Variants in PSMA1 observed in about 807,000 individuals in gnomAD.
The protein encoded by PSMA1 is proteasome 20S subunit alpha 1.
Under a neutral mutation model 38.4 loss-of-function variants are expected in PSMA1, and 3 were observed. The ratio of observed to expected loss-of-function variants is 0.08; its 90% CI spans 0.04 to 0.20. The LOEUF (loss-of-function observed/expected upper bound fraction) is 0.20, where lower values mean the gene tolerates loss of function less well. PSMA1 is among the 10% of genes least tolerant of loss of function. The pLI is 1.00. For synonymous variants in PSMA1, 101 were observed against 107.1 expected (o/e 0.94, Z 0.35); for missense variants, 227 against 325.3 (o/e 0.70, Z 2.32).
intron 2 of PSMA1, among the ~76,000 whole-genome samples, chr11:14,592,186 C>A (rs557902574): frequency 5.1e-4 from 78 of 152,218 alleles, no homozygotes; most frequent in African/African-American, 1.9e-3. Flanking sequence ...GACGCGCCAC[C>A]TTAACAGCTG....
intron 4 of PSMA1, among the ~76,000 whole-genome samples, chr11:14,515,538 C>T (rs1851410403): frequency 6.6e-6 from 1 of 151,536 alleles, no homozygotes; most frequent in Non-Finnish European, 1.5e-5. Flanking sequence ...AAGGGACTGG[C>T]TGAGTAAATT....
In PSMA1 at chr11:14,520,360, G is replaced by GA; in HGVS notation, c.-62dup. On this transcript the variant is annotated 5_prime_UTR_variant, in exon 1 of 10. Coordinates refer to ENST00000396394, the MANE Select transcript of PSMA1 (RefSeq NM_002786.4). ...AACTGAGAATCAAGGAGGTGCTGCC[G>GA]AAAGTATCGCTCAGCGATCTACAGA... The GA allele has an allele frequency of 1.2e-6, 2 of 1,614,164 alleles. No homozygotes were observed. The highest frequency in any genetic ancestry group is 4.5e-5 in the East Asian group (2 of 44,878).
chr11:14,634,690 G>A (rs1327782418), intron 1 of PSMA1, among the ~76,000 whole-genome samples: 4 of 152,154 alleles, frequency 2.6e-5, no homozygotes, highest in African/African-American at 9.7e-5. Context: ...AGTAGCTCAT[G>A]TTTTAGGGGC....
At chr11:14,601,569 G>A (rs1166109963) in intron 2 of PSMA1, among the ~76,000 whole-genome samples, 1 of 152,160 alleles carries the variant, frequency 6.6e-6, no homozygotes, top group African/African-American at 2.4e-5. Flanking sequence ...GGTGAATGGA[G>A]GCTTAATGTA....
chr11:14,631,420 T>C (rs1853008864), intron 1 of PSMA1, among the ~76,000 whole-genome samples: 1 of 152,144 alleles, frequency 6.6e-6, no homozygotes, highest in Admixed American at 6.5e-5. Context: ...CATTTTGTTA[T>C]ATACCCAGTA....
chr11:14,536,680 C>T (rs1246904533), intron 2 of PSMA1, among the ~76,000 whole-genome samples: 3 of 152,056 alleles, frequency 2.0e-5, no homozygotes, highest in Non-Finnish European at 4.4e-5. Flanking sequence ...GGCACGATCT[C>T]GGCTTATCGC....
At chr11:14,578,034 TG>T (rs1852239386) in intron 2 of PSMA1, among the ~76,000 whole-genome samples, 1 of 129,130 alleles carries the variant, frequency 7.7e-6, no homozygotes, top group Non-Finnish European at 1.6e-5. Flanking sequence ...TGAGAACACA[TG>T]GGCACAGGGA....
intron 2 of PSMA1, among the ~76,000 whole-genome samples, chr11:14,597,442 G>A (rs1227228628): frequency 6.6e-6 from 1 of 152,152 alleles, no homozygotes; most frequent in Non-Finnish European, 1.5e-5. Flanking sequence ...GGTCTATTCA[G>A]AGATTCAACT....
rs775429176 is a variant in PSMA1 at position 14,505,708 on chromosome 11, G to A, written c.736-460C>T. 1.3e-3 allele frequency among the ~76,000 whole-genome samples: 196 copies of A among 152,038 alleles called. 1 individual carries two copies. Among genetic ancestry groups the A allele is most frequent in the East Asian group, 5.8e-4 (3 of 5,176 alleles). On this transcript the variant is annotated intron_variant, in intron 9 of 9. Transcript: ENST00000396394. ...ATGCCGAATGCATAAAATATATGTA[G>A]AAAATAGTCTATTTGGTCGGGTGCA...
intron 2 of PSMA1, among the ~76,000 whole-genome samples, chr11:14,560,474 T>C (rs1006678159): frequency 6.6e-6 from 1 of 152,194 alleles, no homozygotes; most frequent in Non-Finnish European, 1.5e-5. Context: ...TATGTCCTTC[T>C]TGGGCCATGG....
intron 2 of PSMA1, among the ~76,000 whole-genome samples, chr11:14,548,624 A>G (rs1851853282): frequency 6.6e-6 from 1 of 152,228 alleles, no homozygotes; most frequent in African/African-American, 2.4e-5. Context: ...GAAATGAGCA[A>G]AGGCAATAGA....
intron 5 of PSMA1, chr11:14,514,135 G>T: frequency 1.5e-6 from 2 of 1,324,654 alleles, no homozygotes; most frequent in Non-Finnish European, 9.6e-7. Flanking sequence ...GATACAAGGG[G>T]TCTAGGATTT....
At chr11:14,597,149 G>A (rs1409196911) in intron 2 of PSMA1, among the ~76,000 whole-genome samples, 1 of 152,190 alleles carries the variant, frequency 6.6e-6, no homozygotes, top group African/African-American at 2.4e-5. Flanking sequence ...CGGTTTGCCA[G>A]TATTTTATTG....
At chr11:14,616,809 CTAT>C (rs1374726512) in intron 1 of PSMA1, among the ~76,000 whole-genome samples, 1 of 152,064 alleles carries the variant, frequency 6.6e-6, no homozygotes, top group Non-Finnish European at 1.5e-5. Flanking sequence ...AGTCTCATGG[CTAT>C]TATTAAGTAG....
chr11:14,520,177 G>A, intron 1 of PSMA1, 120 bp downstream of exon 1: 1 of 1,479,352 alleles, frequency 6.8e-7, no homozygotes, highest in Non-Finnish European at 9.4e-7. Context: ...CCGGCCGTCT[G>A]CCGAGGCTCT....
rs565825327 is a variant in PSMA1 at position 14,619,619 on chromosome 11, TTATATCA to T, written c.-165-8475_-165-8469del. On this transcript the variant is annotated intron_variant, in intron 1 of 10. Coordinates refer to the PSMA1 transcript ENST00000418988. The stretch of plus-strand genomic sequence containing the variant: ...TAATTTAAATTCATTTAAGTGTTTT[TTATATCA>T]TATAATAGATTGCTTTCCTTGAGTG... 4.3e-3 allele frequency among the ~76,000 whole-genome samples: 658 copies of T among 152,318 alleles called. 1 individual carries two copies. The highest frequency in any genetic ancestry group is 7.0e-3 in the Admixed American group (107 of 15,296).
chr11:14,574,145 G>A (rs1852183830), intron 2 of PSMA1, among the ~76,000 whole-genome samples: 1 of 152,192 alleles, frequency 6.6e-6, no homozygotes. Flanking sequence ...AGGAATTAAA[G>A]GAGGCTGCAG....
chr11:14,505,763 G>C (rs1324467408), intron 9 of PSMA1, among the ~76,000 whole-genome samples: 2 of 152,128 alleles, frequency 1.3e-5, no homozygotes, highest in East Asian at 3.9e-4. Context: ...CCAACACTCT[G>C]GGAGGCTGAG....
chr11:14,513,805 C>A lies in PSMA1; in HGVS notation c.414+12G>T, dbSNP rs1851384645. The A allele has an allele frequency of 6.4e-7, 1 of 1,573,046 alleles. No homozygotes were observed. Among genetic ancestry groups the A allele is most frequent in the Non-Finnish European group, 8.6e-7 (1 of 1,166,728 alleles). ...AAAATCATTAACATATAACAATATTCAATGAACTTACATCATAACCAGCAA... is the reference window on the plus strand; with the variant it reads ...AAAATCATTAACATATAACAATATTAAATGAACTTACATCATAACCAGCAA... On this transcript the variant is annotated intron_variant, in intron 6 of 9. Coordinates refer to ENST00000396394, the MANE Select transcript of PSMA1 (RefSeq NM_002786.4).
Sources: gnomAD v4.1 joint callset for allele counts (sites outside exome capture counted in the v4.1 genomes callset) on GRCh38, gnomAD v4.1.1 for gene constraint, MANE v1.5 for transcripts, NCBI Gene and HGNC (gene_info 2026-07-23, HGNC 2026-07-21) for gene names.